Variants in JAKMIP1 observed in about 807,000 individuals in gnomAD.
The protein encoded by JAKMIP1 is janus kinase and microtubule-interacting protein 1.
Under a neutral mutation model 113.0 loss-of-function variants are expected in JAKMIP1, and 33 were observed. That is an observed-to-expected ratio of 0.29 (90% CI 0.22 to 0.39). The LOEUF (loss-of-function observed/expected upper bound fraction) is 0.39. Ranked by LOEUF, JAKMIP1 falls within the 10% of genes least tolerant of loss-of-function variation. JAKMIP1 has a pLI of 1.00. For missense variants in JAKMIP1, 813 were observed against 1,080.5 expected, an observed-to-expected ratio of 0.75 and a Z score of 3.47; for synonymous variants, 480 against 459.9, an observed-to-expected ratio of 1.04 and a Z score of -0.56.
chr4:6,112,650 A>G (rs979755010), intron 2 of JAKMIP1, 72 bp downstream of exon 2: 13 of 1,547,532 alleles, frequency 8.4e-6, no homozygotes, highest in East Asian at 6.8e-5. Flanking sequence ...CTTCACACAC[A>G]TGCCTCAGAG....
chr4:6,092,729 A>T (rs773280334), intron 3 of JAKMIP1, among the ~76,000 whole-genome samples: 8 of 152,128 alleles, frequency 5.3e-5, no homozygotes, highest in Non-Finnish European at 8.8e-5. Flanking sequence ...GTTCATGCAG[A>T]CCCACTATAT....
chr4:6,124,746 G>C (rs1717172680), intron 1 of JAKMIP1, among the ~76,000 whole-genome samples: 1 of 152,212 alleles, frequency 6.6e-6, no homozygotes, highest in African/African-American at 2.4e-5. Flanking sequence ...CTCTGCATGT[G>C]CCCTTCTCTA....
At chr4:6,172,738 A>C (rs1021797910) in intron 1 of JAKMIP1, among the ~76,000 whole-genome samples, 1 of 152,124 alleles carries the variant, frequency 6.6e-6, no homozygotes, top group Non-Finnish European at 1.5e-5. Context: ...AACTTATCTC[A>C]CCTGCAAGCT....
chr4:6,041,801 C>T (rs1360195122), intron 17 of JAKMIP1, among the ~76,000 whole-genome samples: 1 of 152,198 alleles, frequency 6.6e-6, no homozygotes, highest in Non-Finnish European at 1.5e-5. Flanking sequence ...CATATCTGGG[C>T]TGTGTCTCTC....
At chr4:6,112,580 G>A (rs1394357430) in intron 2 of JAKMIP1, 142 bp downstream of exon 2, 3 of 1,012,766 alleles carry the variant, frequency 3.0e-6, no homozygotes, top group Non-Finnish European at 4.4e-6. Flanking sequence ...ACTGCAAAGG[G>A]ACAGACAGCA....
intron 19 of JAKMIP1, among the ~76,000 whole-genome samples, chr4:6,030,988 T>C (rs1359950721): frequency 6.6e-6 from 1 of 152,162 alleles, no homozygotes; most frequent in African/African-American, 2.4e-5. Flanking sequence ...GCACATTTAG[T>C]CACTCAGTAA....
At chr4:6,113,246 T>C (rs192703483) in intron 1 of JAKMIP1, among the ~76,000 whole-genome samples, 5 of 152,162 alleles carry the variant, frequency 3.3e-5, no homozygotes, top group African/African-American at 2.4e-5. Flanking sequence ...GGCTCCCAGG[T>C]GACCACACCT....
At chr4:6,091,130 G>A (rs188069402) in intron 3 of JAKMIP1, among the ~76,000 whole-genome samples, 42 of 152,350 alleles carry the variant, frequency 2.8e-4, no homozygotes, top group African/African-American at 9.6e-4. Flanking sequence ...TGCTTAAGGA[G>A]TGACATTTAT....
chr4:6,098,574 GAAAGAA>G (rs1712289542), intron 3 of JAKMIP1, among the ~76,000 whole-genome samples: 1 of 126,866 alleles, frequency 7.9e-6, no homozygotes, highest in Non-Finnish European at 1.7e-5. Context: ...AAGAAAGAAA[GAAAGAA>G]AGAAGGAAAG....
intron 8 of JAKMIP1, among the ~76,000 whole-genome samples, chr4:6,077,428 A>T (rs1578167820): frequency 6.6e-6 from 1 of 150,562 alleles, no homozygotes. Context: ...CTCTACCGAC[A>T]CCTTAATTTC....
chr4:6,132,652 A>AAAT (rs1553848572), intron 1 of JAKMIP1, among the ~76,000 whole-genome samples: 3 of 131,198 alleles, frequency 2.3e-5, no homozygotes, highest in South Asian at 2.7e-4. Context: ...AAAAATAAAA[A>AAAT]AAAAAAAAAA....
rs1725813022 is a variant in JAKMIP1, at chr4:6,179,819, C to T, written c.-148+20434G>A. On this transcript the variant is annotated intron_variant, in intron 1 of 20. Coordinates refer to ENST00000409021, the MANE Select transcript of JAKMIP1 (RefSeq NM_001099433.2). This position sits in a 1 kb window ranked among gnomAD's most constrained non-coding sequence, Gnocchi z 4.5. The stretch of plus-strand genomic sequence containing the variant: ...TGTAAAACAGGTAGCAATATTATCC[C>T]CATATGACAGATAAGGAAACTGAGG... 6.6e-6 allele frequency among the ~76,000 whole-genome samples: 1 copy of T among 152,192 alleles called. No individual in the cohort carries two copies. Among genetic ancestry groups the T allele is most frequent in the Non-Finnish European group, 1.5e-5 (1 of 68,034 alleles).
intron 3 of JAKMIP1, among the ~76,000 whole-genome samples, chr4:6,092,250 C>A (rs1722158341): frequency 6.6e-6 from 1 of 152,186 alleles, no homozygotes; most frequent in Admixed American, 6.5e-5. Context: ...TGCAGAGGAG[C>A]CCTGTACTGT....
chr4:6,179,574 C>A lies in JAKMIP1; in HGVS notation c.-148+20679G>T, dbSNP rs140925422. Among the ~76,000 whole-genome samples, 496 of 152,310 alleles carry A rather than the reference C, an allele frequency of 3.3e-3. 6 individuals are homozygous for A. Among genetic ancestry groups the A allele is most frequent in the African/African-American group, 0.011 (473 of 41,558 alleles). On this transcript the variant is annotated intron_variant, in intron 1 of 20. Transcript: ENST00000409021. The surrounding 1 kb of genome is among the most constrained non-coding windows in gnomAD (Gnocchi z 4.5). ...CCCTGACACAAACCTACCTCCTCTG[C>A]AAAAGGTGACCCTGCTCATTGCACC...
In JAKMIP1 at chr4:6,176,572, G is replaced by A. The variant is rs928155658; in HGVS notation, c.-148+23681C>T. On this transcript the variant is annotated intron_variant, in intron 1 of 20. Transcript: ENST00000409021. This position sits in a 1 kb window ranked among gnomAD's most constrained non-coding sequence, Gnocchi z 5.5. ...ATCACCCGGACACACTCAGAATGGG[G>A]CAATGGGGTCAGGGAATTAAGGGCT... 6.6e-6 allele frequency among the ~76,000 whole-genome samples: 1 copy of A among 152,156 alleles called. No homozygotes were observed.
At chr4:6,034,803 AAAAC>A (rs574374732) in intron 19 of JAKMIP1, among the ~76,000 whole-genome samples, 69 of 152,266 alleles carry the variant, frequency 4.5e-4, no homozygotes, top group South Asian at 1.7e-3. Flanking sequence ...TCCATTTCAA[AAAAC>A]AAACAAACAA....
chr4:6,041,055 G>C (rs112275574), intron 17 of JAKMIP1, among the ~76,000 whole-genome samples: 42 of 152,146 alleles, frequency 2.8e-4, no homozygotes, highest in African/African-American at 1.0e-3. Context: ...ACATCCTAGT[G>C]GCCCCTGAAG....
At chr4:6,164,788 A>C (rs1290728586) in intron 1 of JAKMIP1, among the ~76,000 whole-genome samples, 1 of 152,228 alleles carries the variant, frequency 6.6e-6, no homozygotes, top group Non-Finnish European at 1.5e-5. Flanking sequence ...TGAGAAAAGC[A>C]AGAGAATTAG....
intron 1 of JAKMIP1, among the ~76,000 whole-genome samples, chr4:6,170,198 A>C (rs1359759832): frequency 1.4e-5 from 2 of 143,566 alleles, no homozygotes; most frequent in African/African-American, 2.7e-5. Flanking sequence ...CATCACTACC[A>C]CCATCATTGT....
Sources: gnomAD v4.1 joint callset for allele counts (sites outside exome capture counted in the v4.1 genomes callset) on GRCh38, gnomAD v4.1.1 for gene constraint, Gnocchi (gnomAD v3.1) non-coding constraint, MANE v1.5 for transcripts, NCBI Gene and HGNC (gene_info 2026-07-23, HGNC 2026-07-21) for gene names.